The following RNF151 variants were observed in gnomAD, a reference collection of about 807,000 sequenced individuals.
RNF151 encodes the protein ring finger protein 151.
A neutral mutation model predicts 11.1 loss-of-function variants in RNF151; 9 were observed. That is an observed-to-expected ratio of 0.81 (90% CI 0.49 to 1.42). The LOEUF is 1.42. RNF151 is among the 40% of genes most tolerant of loss of function. RNF151 has a pLI of 0.00. For missense variants in RNF151, 372 were observed against 342.9 expected (o/e 1.08, Z -0.67); for synonymous variants, 172 against 140.7 (o/e 1.22, Z -1.58).
rs766187224 is a variant in RNF151 at position 1,967,744 on chromosome 16, T to A, written c.169T>A (p.Cys57Ser). 6.2e-7 allele frequency: 1 copy of A among 1,611,496 alleles called. No homozygotes were observed. The highest frequency in any genetic ancestry group is 8.5e-7 in the Non-Finnish European group (1 of 1,178,922). Residue 57 changes from cysteine (C) to serine (S), a missense_variant, in exon 3 of 4, where the codon TGT (cysteine) becomes AGT (serine). Cys to Ser is a moderately radical substitution (Grantham distance 112, BLOSUM62 -1). Transcript: ENST00000569714. ...TTCCAGACAAAAGACCTGTCCGTGC[T>A]GTAGGAAAGAGGTGAAAAGGAAAAA... The part of the protein sequence containing the change: ...WLARQKTCPC[C>S]RKEVKRKKVV...
chr16:1,968,350 G>T (rs979798991), intron 3 of RNF151, 84 bp from the exon 4 acceptor site: 1 of 1,432,088 alleles, frequency 7.0e-7, no homozygotes, highest in South Asian at 1.5e-5. Context: ...CCGGTTCCCT[G>T]GTTCCTGGCG....
At chr16:1,968,409 T>G in intron 3 of RNF151, 25 bp from the exon 4 acceptor site, 1 of 1,507,630 alleles carries the variant, frequency 6.6e-7, no homozygotes, top group South Asian at 1.3e-5. Flanking sequence ...GCCCGGTTTC[T>G]TCACACGTTC....
intron 1 of RNF151, 64 bp from the exon 2 acceptor site, chr16:1,967,210 C>T (rs1048155298): frequency 6.4e-7 from 1 of 1,555,386 alleles, no homozygotes; most frequent in Non-Finnish European, 8.7e-7. Flanking sequence ...GGCTCTCTTG[C>T]TCGGTATGTG....
chr16:1,967,106 GC>G, intron 1 of RNF151, 167 bp from the exon 2 acceptor site: 1 of 504,216 alleles, frequency 2.0e-6, no homozygotes, highest in Non-Finnish European at 2.6e-6. Context: ...GGGGTGGGGG[GC>G]CCTAACCCCC....
chr16:1,968,872 A>G lies in RNF151; in HGVS notation c.685A>G (p.Asn229Asp), dbSNP rs2083337052. 1 of 1,600,718 alleles carries G rather than the reference A, an allele frequency of 6.2e-7. No individual in the cohort carries two copies. The part of the protein sequence containing the change: ...QEEAEAAPEG[N>D]VGAEVVGEPR... ...GGAGGCCGAGGCTGCCCCAGAAGGC[A>G]ACGTTGGGGCTGAGGTGGTGGGGGA... The change falls in exon 4 of 4, where the codon AAC becomes GAC. Residue 229 changes from asparagine (N) to aspartate (D), a missense_variant. Transcript: ENST00000569714.
Position 1,967,796 on chromosome 16 carries a change from A to G in RNF151, c.221A>G (p.Lys74Arg), listed in dbSNP as rs1470436909. The G allele has an allele frequency of 1.2e-6, 2 of 1,610,720 alleles. No individual in the cohort carries two copies. The highest frequency in any genetic ancestry group is 1.7e-6 in the Non-Finnish European group (2 of 1,178,576). The change falls in exon 3 of 4, where the codon AAA becomes AGA. Residue 74 changes from lysine (K) to arginine (R), a missense_variant. Transcript: ENST00000569714. The stretch of plus-strand genomic sequence containing the variant: ...GTTGTCCACATGAATAAACTCCGGA[A>G]AACCATTGGCCGCCTGGAAGTCAAG... ...KKVVHMNKLR[K>R]TIGRLEVKCK...
intron 2 of RNF151, 71 bp from the exon 3 acceptor site, chr16:1,967,654 C>T (rs558706410): frequency 6.3e-6 from 8 of 1,274,300 alleles, no homozygotes; most frequent in Non-Finnish European, 9.0e-6. Context: ...CCACCTGGGT[C>T]ACCGAGTGAG....
Position 1,968,560 on chromosome 16 carries a change from G to A in RNF151, c.373G>A (p.Gly125Arg). 6.2e-7 allele frequency: 1 copy of A among 1,607,836 alleles called. No homozygotes were observed. The highest frequency in any genetic ancestry group is 1.3e-5 in the African/African-American group (1 of 74,854). Residue 125 changes from glycine to arginine, a missense_variant, in exon 4 of 4, where the codon GGG becomes AGG. Gly to Arg is a moderately radical substitution (Grantham distance 125, BLOSUM62 -2). Coordinates refer to ENST00000569714, the MANE Select transcript of RNF151 (RefSeq NM_174903.6). ...NEGCTSQVPR[G>R]TLAEHRQHCQ... is the part of the protein sequence containing the mutation. ...GGGCTGCACCTCGCAGGTGCCGCGTGGGACCCTGGCAGAGCACCGGCAGCA... is the reference window on the plus strand; with the variant it reads ...GGGCTGCACCTCGCAGGTGCCGCGTAGGACCCTGGCAGAGCACCGGCAGCA...
Position 1,968,416 on chromosome 16 carries a change from G to A in RNF151, c.247-18G>A, listed in dbSNP as rs958463511. 1.4e-5 allele frequency: 21 copies of A among 1,517,690 alleles called. No homozygotes were observed. The highest frequency in any genetic ancestry group is 3.8e-5 in the South Asian group (3 of 78,996). 94.0% of individuals were successfully genotyped at this position (1,517,690 alleles called of 1,614,324 possible). ...GGTGTCCTGCCCGGTTTCTTCACAC[G>A]TTCTCCTTCACCCTCAGTGCAAGAA... On this transcript the variant is annotated intron_variant, in intron 3 of 3. Coordinates refer to ENST00000569714, the MANE Select transcript of RNF151 (RefSeq NM_174903.6).
Position 1,968,811 on chromosome 16 carries a change from G to A in RNF151, c.624G>A (p.Glu208=), listed in dbSNP as rs755786226. ...TGGCGGAGCTCAGCAACTTCCTGGA[G>A]GAAGACACCGCTCTGCTGGAGGGTG... ...RELAELSNFL[E]EDTALLEGAP... Residue 208 remains glutamate, a synonymous_variant, in exon 4 of 4, where the codon GAG becomes GAA. Transcript: ENST00000569714. 8 of 1,593,616 alleles carry A rather than the reference G, an allele frequency of 5.0e-6. No individual in the cohort carries two copies. The highest frequency in any genetic ancestry group is 3.5e-5 in the Admixed American group (2 of 57,186).
rs1467256369 is a variant in RNF151 at position 1,967,733 on chromosome 16, C to T, written c.158C>T (p.Thr53Ile). 3 of 1,610,056 alleles carry T rather than the reference C, an allele frequency of 1.9e-6. No homozygotes were observed. The highest frequency in any genetic ancestry group is 4.5e-5 in the East Asian group (2 of 44,830). The change falls in exon 3 of 4, where the codon ACC (threonine) becomes ATC (isoleucine). Residue 53 changes from threonine to isoleucine, a missense_variant. Transcript: ENST00000569714. Reference sequence around the variant, plus strand: ...CTCATGCCTCCTTCCAGACAAAAGACCTGTCCGTGCTGTAGGAAAGAGGTG... The same window carrying T: ...CTCATGCCTCCTTCCAGACAAAAGATCTGTCCGTGCTGTAGGAAAGAGGTG... Reference protein sequence around the residue: ...CILRWLARQKTCPCCRKEVKR... With the variant: ...CILRWLARQKICPCCRKEVKR...
At chr16:1,967,531 T>A in intron 2 of RNF151, 112 bp downstream of exon 2, 1 of 1,090,912 alleles carries the variant, frequency 9.2e-7, no homozygotes, top group Non-Finnish European at 1.3e-6. Context: ...CAAATCTCCC[T>A]AAACTAAAAT....
Position 1,967,841 on chromosome 16 carries a change from C to G in RNF151, c.246+20C>G, listed in dbSNP as rs375368740. On this transcript the variant is annotated intron_variant, in intron 3 of 3. Coordinates refer to ENST00000569714, the MANE Select transcript of RNF151 (RefSeq NM_174903.6). ...GTCAAGGTAGCTCAAAGTACCCACT[C>G]CCCTGACCCTCAACCCTTCTCACCC... 6.4e-7 allele frequency: 1 copy of G among 1,555,604 alleles called. No homozygotes were observed. Among genetic ancestry groups the G allele is most frequent in the South Asian group, 1.2e-5 (1 of 86,704 alleles).
At chr16:1,967,178 C>A in intron 1 of RNF151, 96 bp from the exon 2 acceptor site, 1 of 1,479,028 alleles carries the variant, frequency 6.8e-7, no homozygotes, top group Non-Finnish European at 9.1e-7. Flanking sequence ...CTGTGGCCCA[C>A]CTCCCTGCCA....
chr16:1,968,143 G>A, intron 3 of RNF151: 2 of 631,066 alleles, frequency 3.2e-6, no homozygotes, highest in Admixed American at 5.2e-5. Context: ...TAGTTTTACA[G>A]ATGGGTAAAC....
chr16:1,968,613 C>T lies in RNF151; in HGVS notation c.426C>T (p.Cys142=), dbSNP rs1315272842. The change falls in exon 4 of 4, where the codon TGC becomes TGT. Residue 142 remains cysteine, a synonymous_variant. Coordinates refer to ENST00000569714, the MANE Select transcript of RNF151 (RefSeq NM_174903.6). The stretch of plus-strand genomic sequence containing the variant: ...GCCAGCAAGGGTCCCAGCAGCGCTG[C>T]CCCCTGGGCTGCGGGGCCACCCTGG... ...QHCQQGSQQR[C]PLGCGATLDP... 1 of 1,575,964 alleles carries T rather than the reference C, an allele frequency of 6.3e-7. No individual in the cohort carries two copies. The highest frequency in any genetic ancestry group is 8.6e-7 in the Non-Finnish European group (1 of 1,162,120).
At chr16:1,967,174 C>G (rs1282052308) in intron 1 of RNF151, 100 bp from the exon 2 acceptor site, 110 of 1,460,500 alleles carry the variant, frequency 7.5e-5, no homozygotes, top group Non-Finnish European at 9.7e-5. Context: ...AGTTCTGTGG[C>G]CCACCTCCCT....
chr16:1,967,387 C>G lies in RNF151; in HGVS notation c.117C>G (p.Phe39Leu). 1 of 1,613,694 alleles carries G rather than the reference C, an allele frequency of 6.2e-7. No individual in the cohort carries two copies. Among genetic ancestry groups the G allele is most frequent in the Non-Finnish European group, 8.5e-7 (1 of 1,179,844 alleles). Residue 39 changes from phenylalanine (F) to leucine (L), a missense_variant, in exon 2 of 4, where the codon TTC becomes TTG. Coordinates refer to ENST00000569714, the MANE Select transcript of RNF151 (RefSeq NM_174903.6). ...CAAGGTTGCCATGCAGCCACATCTT[C>G]TGCAAAAAGTGCATCCTCCGGTGGC... ...RPARLPCSHIFCKKCILRWLA... is the reference protein window; with the variant it reads ...RPARLPCSHILCKKCILRWLA...
intron 1 of RNF151, 73 bp downstream of exon 1, chr16:1,966,957 G>A: frequency 2.0e-6 from 3 of 1,493,830 alleles, no homozygotes; most frequent in Non-Finnish European, 2.7e-6. Flanking sequence ...AGTTGTCCAG[G>A]GATCGACCCC....
Sources: allele counts gnomAD v4.1 joint callset, GRCh38; gene constraint gnomAD v4.1.1; transcripts MANE v1.5; gene names NCBI Gene and HGNC (gene_info 2026-07-23, HGNC 2026-07-21).